GPR107: variants seen among roughly 807,000 people sequenced by gnomAD.
GPR107 encodes protein GPR107.
Under a neutral mutation model 75.5 loss-of-function variants are expected in GPR107, and 31 were observed. The ratio of observed to expected loss-of-function variants is 0.41; its 90% CI spans 0.31 to 0.55. GPR107 has a LOEUF of 0.55. Among genes scored for constraint, GPR107 ranks in the 20% least tolerant of loss-of-function variants. GPR107 has a pLI of 0.26. For missense variants in GPR107, 572 were observed against 665.7 expected (o/e 0.86, Z 1.55); for synonymous variants, 267 against 251.3 (o/e 1.06, Z -0.59).
chr9:130,104,586 C>T, intron 13 of GPR107, 36 bp downstream of exon 13: 2 of 1,593,846 alleles, frequency 1.3e-6, no homozygotes, highest in Non-Finnish European at 1.7e-6. Context: ...CACATGACAG[C>T]TTGGCTGTCA....
intron 17 of GPR107, among the ~76,000 whole-genome samples, chr9:130,132,284 G>C (rs1831846122): frequency 6.6e-6 from 1 of 152,152 alleles, no homozygotes; most frequent in Non-Finnish European, 1.5e-5. Context: ...TGGAGACTCT[G>C]ATTCTCACCC....
intron 12 of GPR107, among the ~76,000 whole-genome samples, chr9:130,102,712 C>T (rs903666524): frequency 2.4e-4 from 37 of 152,190 alleles, no homozygotes; most frequent in African/African-American, 8.9e-4. Flanking sequence ...TGGGAACATT[C>T]TGTCTCTCAT....
chr9:130,068,438 A>T (rs1378906223), intron 1 of GPR107, among the ~76,000 whole-genome samples: 1 of 26,168 alleles, frequency 3.8e-5, no homozygotes, highest in Non-Finnish European at 1.8e-4. Flanking sequence ...TTAAAAACAA[A>T]AGTAAAACAA....
chr9:130,123,451 C>T (rs1831598439), intron 14 of GPR107, among the ~76,000 whole-genome samples: 1 of 152,088 alleles, frequency 6.6e-6, no homozygotes. Flanking sequence ...ATCCACCCGC[C>T]TCGGCCTCCC....
intron 15 of GPR107, among the ~76,000 whole-genome samples, chr9:130,125,778 G>A (rs773464216): frequency 6.6e-6 from 1 of 151,856 alleles, no homozygotes; most frequent in Admixed American, 6.6e-5. Context: ...AGCTGGGTGC[G>A]GTGGCTCATG....
At chr9:130,110,865 C>T (rs894059459) in intron 14 of GPR107, among the ~76,000 whole-genome samples, 1 of 152,148 alleles carries the variant, frequency 6.6e-6, no homozygotes, top group African/African-American at 2.4e-5. Context: ...GATCTGGAGG[C>T]AACTAGGAGC....
chr9:130,054,412 C>T (rs1453055830), intron 1 of GPR107, among the ~76,000 whole-genome samples: 1 of 152,200 alleles, frequency 6.6e-6, no homozygotes, highest in Non-Finnish European at 1.5e-5. Context: ...TCTTCTTTCT[C>T]CCCTCCAGCT....
chr9:130,086,532 G>A (rs926309030), intron 7 of GPR107, 56 bp downstream of exon 7: 1 of 1,027,004 alleles, frequency 9.7e-7, no homozygotes, highest in Admixed American at 1.9e-5. Flanking sequence ...ATGTAAAAGG[G>A]TAATTTTTTT....
At chr9:130,104,951 G>C (rs1402931472) in intron 13 of GPR107, among the ~76,000 whole-genome samples, 1 of 152,188 alleles carries the variant, frequency 6.6e-6, no homozygotes, top group Non-Finnish European at 1.5e-5. Flanking sequence ...ACTAGTGATA[G>C]TTCTCAGCAC....
At chr9:130,073,297 T>C (rs1830255541) in intron 1 of GPR107, among the ~76,000 whole-genome samples, 1 of 152,260 alleles carries the variant, frequency 6.6e-6, no homozygotes, top group Admixed American at 6.5e-5. Context: ...ATTTATGTAG[T>C]TGAGTTAATG....
rs749451909 is a variant in GPR107 at position 130,100,746 on chromosome 9, C to T, written c.1013+44C>T. ...GTGAAATACACCATGAAATGACATA[C>T]AAGACAAGGGGGGTGGGCAACAACC... is the stretch of plus-strand genomic sequence containing the variant. On this transcript the variant is annotated intron_variant, in intron 11 of 17. Coordinates refer to ENST00000347136, the MANE Select transcript of GPR107 (RefSeq NM_020960.5). 5 of 1,427,398 alleles carry T rather than the reference C, an allele frequency of 3.5e-6. No individual in the cohort carries two copies. The Admixed American group carries it at 6.7e-5, about 19-fold the overall frequency. The allele number at this position is 1,427,398 out of a possible 1,614,324, so 88.4% of individuals were successfully genotyped here.
chr9:130,089,685 C>T (rs1488920795), intron 7 of GPR107, among the ~76,000 whole-genome samples: 3 of 151,868 alleles, frequency 2.0e-5, no homozygotes, highest in African/African-American at 7.3e-5. Context: ...TTTAGACTTC[C>T]CCTGAATCTT....
chr9:130,074,882 G>T (rs550671695), intron 1 of GPR107, among the ~76,000 whole-genome samples: 1 of 151,296 alleles, frequency 6.6e-6, no homozygotes, highest in Admixed American at 6.7e-5. Flanking sequence ...AGCTTCAGCC[G>T]CTCCTTTTCT....
intron 6 of GPR107, among the ~76,000 whole-genome samples, chr9:130,085,765 T>TTTTTTTTTTTTTTTTTTTTTTTTTTTTC: frequency 7.0e-6 from 1 of 141,958 alleles, no homozygotes; most frequent in Non-Finnish European, 1.5e-5. Flanking sequence ...TTTTTTTTTT[T>TTTTTTTTTTTTTTTTTTTTTTTTTTTTC]TTTTTTGCCG....
In GPR107 at chr9:130,064,116, G is replaced by A. The variant is rs560418878; in HGVS notation, c.141+10043G>A. Among the ~76,000 whole-genome samples, 9 of 145,344 alleles carry A rather than the reference G, an allele frequency of 6.2e-5. No homozygotes were observed. The South Asian group carries it at 1.1e-3, about 18-fold the overall frequency. ...GTGTGAGCCACTGCGCCCAGCCAGG[G>A]TTTATTCTTTTTGTAACTAATAAAA... On this transcript the variant is annotated intron_variant, in intron 1 of 17. Coordinates refer to ENST00000347136, the MANE Select transcript of GPR107 (RefSeq NM_020960.5).
intron 15 of GPR107, 64 bp downstream of exon 15, chr9:130,125,028 G>C: frequency 1.4e-6 from 1 of 729,118 alleles, no homozygotes. Context: ...TAGAGCAAAT[G>C]AACTTCCAAA....
At chr9:130,061,079 A>G (rs1463700741) in intron 1 of GPR107, among the ~76,000 whole-genome samples, 1 of 152,208 alleles carries the variant, frequency 6.6e-6, no homozygotes, top group African/African-American at 2.4e-5. Flanking sequence ...TGACTTCGCA[A>G]CACATGCCTT....
rs1831318531 is a variant in GPR107 at position 130,112,045 on chromosome 9, C to G, written c.1306+4506C>G. On this transcript the variant is annotated intron_variant, in intron 14 of 17. Transcript: ENST00000347136. This position sits in a 1 kb window ranked among gnomAD's most constrained non-coding sequence, Gnocchi z 4.0. ...CTTGAGCCCGCATCCGCGTTCCCTTCTCTTTCTCCAGTGTCATTACCTTAT... is the reference window on the plus strand; with the variant it reads ...CTTGAGCCCGCATCCGCGTTCCCTTGTCTTTCTCCAGTGTCATTACCTTAT... Among the ~76,000 whole-genome samples the G allele has an allele frequency of 6.6e-6, 1 of 152,236 alleles. No individual in the cohort carries two copies. Among genetic ancestry groups the G allele is most frequent in the South Asian group, 2.1e-4 (1 of 4,834 alleles).
At chr9:130,079,912 T>TG (rs1830452269) in intron 5 of GPR107, 143 bp downstream of exon 5, 6 of 498,044 alleles carry the variant, frequency 1.2e-5, no homozygotes, top group Non-Finnish European at 2.1e-5. Context: ...TACGTAAATG[T>TG]TAAAGAAAAA....
Sources: allele counts gnomAD v4.1 joint callset (sites outside exome capture counted in the v4.1 genomes callset), GRCh38; gene constraint gnomAD v4.1.1; non-coding constraint Gnocchi (gnomAD v3.1); transcripts MANE v1.5; gene names NCBI Gene and HGNC (gene_info 2026-07-23, HGNC 2026-07-21).